The following DUSP5 variants were observed in gnomAD, a reference collection of about 807,000 sequenced individuals.
DUSP5 encodes the protein dual specificity phosphatase 5.
In DUSP5, 22 loss-of-function variants were observed where a neutral mutation model predicts 33.6. The ratio of observed to expected loss-of-function variants is 0.66; its 90% CI spans 0.47 to 0.94. The LOEUF (loss-of-function observed/expected upper bound fraction) is 0.94, where lower values mean the gene tolerates loss of function less well. DUSP5 is among the 40% of genes least tolerant of loss of function. The probability of loss-of-function intolerance (pLI) is 0.00; values close to 1 mark genes in which losing one functional copy is unlikely to be tolerated. For missense variants in DUSP5, 551 were observed against 522.1 expected (o/e 1.06, Z -0.54); for synonymous variants, 270 against 231.1 (o/e 1.17, Z -1.53).
At chr10:110,500,654 A>G (rs1040113115) in intron 1 of DUSP5, among the ~76,000 whole-genome samples, 2 of 152,210 alleles carry the variant, frequency 1.3e-5, no homozygotes, top group Admixed American at 6.5e-5. Flanking sequence ...TATATATAGT[A>G]TCTGTGCTCT....
chr10:110,498,975 C>T (rs1378467842), intron 1 of DUSP5, among the ~76,000 whole-genome samples: 2 of 152,194 alleles, frequency 1.3e-5, no homozygotes, highest in Admixed American at 1.3e-4. Flanking sequence ...TCACCGACCC[C>T]CTTGCCTTTT....
At chr10:110,509,117 G>A (rs1023333476) in intron 3 of DUSP5, among the ~76,000 whole-genome samples, 1 of 152,158 alleles carries the variant, frequency 6.6e-6, no homozygotes, top group Non-Finnish European at 1.5e-5. Context: ...TGGAAAGACT[G>A]TATTTTTTGT....
chr10:110,509,912 G>A, intron 3 of DUSP5, 108 bp from the exon 4 acceptor site: 1 of 1,437,756 alleles, frequency 7.0e-7, no homozygotes, highest in Non-Finnish European at 9.3e-7. Context: ...CTCTTAGGCA[G>A]GCACAACAGT....
chr10:110,497,967 T>G lies in DUSP5; in HGVS notation c.-155T>G. On this transcript the variant is annotated 5_prime_UTR_variant, in exon 1 of 4. Transcript: ENST00000369583. ...GAGCGAGCGGGGCGGGAACGCGGAG[T>G]TGCGCCGCCGCTCGGGCGCCGGGCT... 1 of 502,756 alleles carries G rather than the reference T, an allele frequency of 2.0e-6. No homozygotes were observed. The highest frequency in any genetic ancestry group is 2.6e-6 in the Non-Finnish European group (1 of 390,258). 31.1% of individuals were successfully genotyped at this position (502,756 alleles called of 1,614,324 possible).
At chr10:110,504,798 G>C (rs972024678) in intron 2 of DUSP5, among the ~76,000 whole-genome samples, 1 of 152,220 alleles carries the variant, frequency 6.6e-6, no homozygotes, top group Non-Finnish European at 1.5e-5. Context: ...CTCTATGACA[G>C]TGGCAGCTAT....
At chr10:110,505,947 T>C (rs1860113250) in intron 2 of DUSP5, among the ~76,000 whole-genome samples, 2 of 152,190 alleles carry the variant, frequency 1.3e-5, no homozygotes, top group African/African-American at 4.8e-5. Flanking sequence ...AACCCCCGTG[T>C]GAAGAAGGTC....
Position 110,498,563 on chromosome 10 carries a change from C to A in DUSP5, c.379+63C>A, listed in dbSNP as rs1278217347. 2.9e-6 allele frequency: 4 copies of A among 1,369,522 alleles called. No homozygotes were observed. In the African/African-American group the frequency reaches 6.0e-5, roughly 21 times the overall value. 84.8% of individuals were successfully genotyped at this position (1,369,522 alleles called of 1,614,324 possible). ...GCGCCCCCGGGTCCCCTCCCTGCGC[C>A]GGGGCGCCCTCCTACACCCTGGGAC... is the stretch of plus-strand genomic sequence containing the variant. On this transcript the variant is annotated intron_variant, in intron 1 of 3. Coordinates refer to ENST00000369583, the MANE Select transcript of DUSP5 (RefSeq NM_004419.4).
At chr10:110,501,018 A>G (rs1393028397) in intron 1 of DUSP5, among the ~76,000 whole-genome samples, 1 of 152,180 alleles carries the variant, frequency 6.6e-6, no homozygotes, top group East Asian at 1.9e-4. Flanking sequence ...CTATTTCCCC[A>G]ACCTTCGTCC....
At position 110,502,741 on chromosome 10, in the gene DUSP5, T is replaced by C. The variant is rs746271785; in HGVS notation, c.400T>C (p.Ser134Pro). ...TGTAGGGGGATATGAGACTTTCTACTCGGAATATCCTGAGTGTTGCGTGGA... is the reference window on the plus strand; with the variant it reads ...TGTAGGGGGATATGAGACTTTCTACCCGGAATATCCTGAGTGTTGCGTGGA... ...FLKGGYETFY[S>P]EYPECCVDVK... Residue 134 changes from serine (S) to proline (P), a missense_variant, in exon 2 of 4, where the codon TCG becomes CCG. By Grantham distance (74) the Ser-to-Pro change is moderately conservative. Coordinates refer to ENST00000369583, the MANE Select transcript of DUSP5 (RefSeq NM_004419.4). The C allele has an allele frequency of 5.6e-6, 9 of 1,613,920 alleles. No homozygotes were observed. Among genetic ancestry groups the C allele is most frequent in the Non-Finnish European group, 7.6e-6 (9 of 1,179,948 alleles).
At chr10:110,508,977 G>A (rs915375919) in intron 3 of DUSP5, among the ~76,000 whole-genome samples, 3 of 152,166 alleles carry the variant, frequency 2.0e-5, no homozygotes, top group African/African-American at 7.2e-5. Flanking sequence ...AGTGGAGGGT[G>A]GTAAGGGGAA....
Position 110,498,390 on chromosome 10 carries a change from A to G in DUSP5, c.269A>G (p.Asp90Gly). 6.7e-7 allele frequency: 1 copy of G among 1,490,750 alleles called. No homozygotes were observed. Among genetic ancestry groups the G allele is most frequent in the Non-Finnish European group, 8.9e-7 (1 of 1,125,936 alleles). The allele number at this position is 1,490,750 out of a possible 1,614,324, so 92.3% of individuals were successfully genotyped here. A position where few individuals can be genotyped will look rare whatever the true frequency, so the allele number is the denominator to read the frequency against. ...GGGVAAVVVL[D>G]QGSRHWQKLR... ...GGCGTCGCGGCCGTGGTGGTGCTGGACCAGGGCAGCCGCCACTGGCAGAAG... is the reference window on the plus strand; with the variant it reads ...GGCGTCGCGGCCGTGGTGGTGCTGGGCCAGGGCAGCCGCCACTGGCAGAAG... Residue 90 changes from aspartate to glycine, a missense_variant, in exon 1 of 4, where the codon GAC (aspartate) becomes GGC (glycine). Physicochemically the swap from Asp to Gly is moderately conservative, Grantham distance 94. Transcript: ENST00000369583.
Position 110,510,319 on chromosome 10 carries a change from C to G in DUSP5, c.1048C>G (p.Gln350Glu). The change falls in exon 4 of 4, where the codon CAG (glutamine) becomes GAG (glutamate). Residue 350 changes from glutamine to glutamate, a missense_variant. By Grantham distance (29) the Gln-to-Glu change is conservative. Transcript: ENST00000369583. ...TTTGCAGACACTGAGCCCTGACATG[C>G]AGGGTGCCTACTGCACATTCCCTGC... is the stretch of plus-strand genomic sequence containing the variant. ...GHLQTLSPDM[Q>E]GAYCTFPASV... The G allele has an allele frequency of 6.2e-7, 1 of 1,614,216 alleles. No homozygotes were observed. The highest frequency in any genetic ancestry group is 1.1e-5 in the South Asian group (1 of 91,090).
At position 110,497,946 on chromosome 10, in the gene DUSP5, G is replaced by C; in HGVS notation, c.-176G>C. ...CGAGCGGCCGGGCTGGCTATCGAGC[G>C]AGCGGGGCGGGAACGCGGAGTTGCG... is the stretch of plus-strand genomic sequence containing the variant. On this transcript the variant is annotated 5_prime_UTR_variant, in exon 1 of 4. Coordinates refer to ENST00000369583, the MANE Select transcript of DUSP5 (RefSeq NM_004419.4). 8.4e-6 allele frequency: 3 copies of C among 357,728 alleles called. No individual in the cohort carries two copies. The highest frequency in any genetic ancestry group is 1.2e-5 in the Non-Finnish European group (3 of 256,614). The allele number at this position is 357,728 out of a possible 1,614,324, so 22.2% of individuals were successfully genotyped here.
In DUSP5 at chr10:110,508,980, A is replaced by G. The variant is rs193067386; in HGVS notation, c.749-1040A>G. 1.7e-3 allele frequency among the ~76,000 whole-genome samples: 261 copies of G among 152,322 alleles called. 1 individual carries two copies. The highest frequency in any genetic ancestry group is 0.014 in the Middle Eastern group (4 of 294). On this transcript the variant is annotated intron_variant, in intron 3 of 3. Coordinates refer to ENST00000369583, the MANE Select transcript of DUSP5 (RefSeq NM_004419.4). Reference sequence around the variant, plus strand: ...TTGGGGCAGGGAAGTGGAGGGTGGTAAGGGGAATGACTTTTTCTTTTGGCC... The same window carrying G: ...TTGGGGCAGGGAAGTGGAGGGTGGTGAGGGGAATGACTTTTTCTTTTGGCC...
chr10:110,507,873 C>T (rs1860137333), intron 3 of DUSP5, among the ~76,000 whole-genome samples: 1 of 152,200 alleles, frequency 6.6e-6, no homozygotes, highest in Non-Finnish European at 1.5e-5. Context: ...TCTTCTCCTC[C>T]CCCATCCATC....
intron 2 of DUSP5, 111 bp downstream of exon 2, chr10:110,502,980 C>T: frequency 2.1e-6 from 3 of 1,434,350 alleles, no homozygotes; most frequent in South Asian, 2.8e-5. Flanking sequence ...ATGGTTAGTT[C>T]TTTTGTGGAT....
chr10:110,502,707 G>T lies in DUSP5; in HGVS notation c.380-14G>T, dbSNP rs1197077459. 4 of 1,608,462 alleles carry T rather than the reference G, an allele frequency of 2.5e-6. No individual in the cohort carries two copies. The highest frequency in any genetic ancestry group is 2.2e-5 in the South Asian group (2 of 90,396). ...TGCTTACCATCTGTCTCACCTTTTT[G>T]TTTGTTTTTGTAGGGGGATATGAGA... On this transcript the variant is annotated splice_polypyrimidine_tract_variant and intron_variant, in intron 1 of 3. Coordinates refer to ENST00000369583, the MANE Select transcript of DUSP5 (RefSeq NM_004419.4).
In DUSP5 at chr10:110,498,198, T is replaced by C; in HGVS notation, c.77T>C (p.Leu26Pro). 6.7e-7 allele frequency: 1 copy of C among 1,503,584 alleles called. No individual in the cohort carries two copies. Among genetic ancestry groups the C allele is most frequent in the East Asian group, 2.9e-5 (1 of 34,862 alleles). 93.1% of individuals were successfully genotyped at this position (1,503,584 alleles called of 1,614,324 possible). The change falls in exon 1 of 4, where the codon CTC (leucine) becomes CCC (proline). Residue 26 changes from leucine (L) to proline (P), a missense_variant. Physicochemically the swap from Leu to Pro is moderately conservative, Grantham distance 98. Around this residue, in one of 3 missense-constraint regions of DUSP5, gnomAD observed 381 missense variants for 310.4 expected, o/e 1.23. Coordinates refer to ENST00000369583, the MANE Select transcript of DUSP5 (RefSeq NM_004419.4). ...GAGGCGGCGGCGCGCTGCGTGGTGC[T>C]CGACTGCCGGCCCTATCTGGCCTTC... ...RKEAAARCVV[L>P]DCRPYLAFAA...
At position 110,500,226 on chromosome 10, in the gene DUSP5, A is replaced by G. The variant is rs114293823; in HGVS notation, c.379+1726A>G. Among the ~76,000 whole-genome samples the G allele has an allele frequency of 9.5e-3, 1,444 of 152,274 alleles. 32 individuals carry two copies. The highest frequency in any genetic ancestry group is 0.033 in the African/African-American group (1,378 of 41,548). ...CTATCTAGATCTTGGAGACTTGTCC[A>G]TATCTGATCATACATGTCTGTTTCA... On this transcript the variant is annotated intron_variant, in intron 1 of 3. Transcript: ENST00000369583.
Sources: allele counts gnomAD v4.1 joint callset (sites outside exome capture counted in the v4.1 genomes callset), GRCh38; gene constraint gnomAD v4.1.1; regional missense constraint gnomAD v4.1.1; transcripts MANE v1.5; gene names NCBI Gene and HGNC (gene_info 2026-07-23, HGNC 2026-07-21).